Variants in ATP9B observed in about 807,000 individuals in gnomAD.
ATP9B encodes probable phospholipid-transporting ATPase IIB.
In ATP9B, 110 loss-of-function variants were observed where a neutral mutation model predicts 146.1. That is an observed-to-expected ratio of 0.75 (90% CI 0.65 to 0.88). The LOEUF is 0.88. Ranked by LOEUF, ATP9B falls within the 40% of genes least tolerant of loss-of-function variation. The probability of loss-of-function intolerance (pLI) is 0.00; values close to 1 mark genes in which losing one functional copy is unlikely to be tolerated. For missense variants in ATP9B, 1,499 were observed against 1,496.4 expected (o/e 1.00, Z -0.03); for synonymous variants, 604 against 569.7 (o/e 1.06, Z -0.86).
chr18:79,310,787 G>T (rs1599860149), intron 15 of ATP9B, among the ~76,000 whole-genome samples: 5 of 151,142 alleles, frequency 3.3e-5, no homozygotes, highest in South Asian at 4.2e-4. Context: ...ACTTCCAGGG[G>T]TTTTTTTTTG....
At chr18:79,072,946 C>G (rs952200667) in intron 1 of ATP9B, among the ~76,000 whole-genome samples, 1 of 151,868 alleles carries the variant, frequency 6.6e-6, no homozygotes, top group African/African-American at 2.4e-5. Context: ...CGTCACATCC[C>G]AGACGATGGG....
At chr18:79,339,327 C>T (rs2096844890) in intron 19 of ATP9B, among the ~76,000 whole-genome samples, 1 of 151,676 alleles carries the variant, frequency 6.6e-6, no homozygotes, top group African/African-American at 2.4e-5. Context: ...GGAAGTGTGT[C>T]ATGATCGCAG....
At chr18:79,231,549 C>A (rs1019034583) in intron 11 of ATP9B, among the ~76,000 whole-genome samples, 14 of 151,996 alleles carry the variant, frequency 9.2e-5, no homozygotes, top group Non-Finnish European at 1.8e-4. Flanking sequence ...GGAATGTAAA[C>A]TAGTACAACC....
intron 12 of ATP9B, among the ~76,000 whole-genome samples, chr18:79,256,272 TATATATATATATATAC>T (rs1423999201): frequency 7.6e-6 from 1 of 131,504 alleles, no homozygotes; most frequent in Non-Finnish European, 1.6e-5. Context: ...TATATATATA[TATATATATATATATAC>T]ATACATAGTG....
rs377009233 is a variant in ATP9B, at chr18:79,336,336, T to C, written c.2029-292T>C. Among the ~76,000 whole-genome samples, 364 of 152,378 alleles carry C rather than the reference T, an allele frequency of 2.4e-3. 1 individual carries two copies. Among genetic ancestry groups the C allele is most frequent in the South Asian group, 6.0e-3 (29 of 4,834 alleles). ...CCCGTGCTGTGGTAAAAAGAAGCTC[T>C]GCTAGGCACCAGGAGAGTCCAGGTG... On this transcript the variant is annotated intron_variant, in intron 17 of 29. Coordinates refer to ENST00000426216, the MANE Select transcript of ATP9B (RefSeq NM_198531.5).
intron 6 of ATP9B, among the ~76,000 whole-genome samples, chr18:79,153,533 G>A (rs1382151482): frequency 1.3e-5 from 2 of 152,046 alleles, no homozygotes; most frequent in African/African-American, 4.8e-5. Context: ...CACTTTCCAG[G>A]GCCATTTAGT....
intron 25 of ATP9B, chr18:79,354,320 TC>T (rs1459375842): frequency 1.3e-5 from 2 of 152,054 alleles, no homozygotes; most frequent in African/African-American, 4.8e-5. Context: ...ATGCCTGTAA[TC>T]CCAGCACTTT....
At position 79,176,893 on chromosome 18, in the gene ATP9B, C is replaced by T. The variant is rs780256807; in HGVS notation, c.859C>T (p.Leu287=). 2 of 1,613,948 alleles carry T rather than the reference C, an allele frequency of 1.2e-6. No homozygotes were observed. The highest frequency in any genetic ancestry group is 1.3e-5 in the African/African-American group (1 of 74,940). Residue 287 remains leucine (L), a synonymous_variant, in exon 8 of 30, where the codon CTG becomes TTG. Coordinates refer to ENST00000426216, the MANE Select transcript of ATP9B (RefSeq NM_198531.5). ...GGTGGCAGTGAGCTGCACGCAACAG[C>T]TGCCGGCTCTGGGGGTGAGCAGCAC... The part of the protein sequence containing the change: ...LKVAVSCTQQ[L]PALGDLFSIS...
At chr18:79,177,403 T>G (rs2147953817) in intron 8 of ATP9B, among the ~76,000 whole-genome samples, 1 of 152,074 alleles carries the variant, frequency 6.6e-6, no homozygotes, top group East Asian at 1.9e-4. Flanking sequence ...GCCCAGCCAG[T>G]TCTTAATTTT....
At position 79,376,429 on chromosome 18, in the gene ATP9B, A is replaced by C. The variant is rs913637891; in HGVS notation, c.3308-818A>C. ...TTTGAGACGAAGTCTCACTCTTGTT[A>C]CCCAGGCTGAAGTGCAGTGGCACAA... On this transcript the variant is annotated intron_variant, in intron 29 of 29. Transcript: ENST00000426216. The C allele has an allele frequency of 3.6e-5, 35 of 970,870 alleles. No homozygotes were observed. In the African/African-American group the frequency reaches 6.2e-4, roughly 17 times the overall value. 60.1% of individuals were successfully genotyped at this position (970,870 alleles called of 1,614,324 possible). A position where few individuals can be genotyped will look rare whatever the true frequency, so the allele number is the denominator to read the frequency against.
At chr18:79,253,610 T>C (rs1475133231) in intron 12 of ATP9B, 69 bp downstream of exon 12, 1 of 1,453,560 alleles carries the variant, frequency 6.9e-7, no homozygotes, top group Non-Finnish European at 9.2e-7. Context: ...AATTTATCTT[T>C]CTCAGTATGA....
intron 11 of ATP9B, among the ~76,000 whole-genome samples, chr18:79,249,317 G>A (rs2095999961): frequency 6.6e-6 from 1 of 152,152 alleles, no homozygotes; most frequent in Non-Finnish European, 1.5e-5. Flanking sequence ...CATTGTGGTT[G>A]TCTTAGACAT....
chr18:79,222,867 A>C (rs915126467), intron 11 of ATP9B, among the ~76,000 whole-genome samples: 3 of 152,244 alleles, frequency 2.0e-5, no homozygotes, highest in Admixed American at 6.5e-5. Flanking sequence ...CCAGCCTCAG[A>C]CATATTTAAT....
At chr18:79,176,940 T>C in intron 8 of ATP9B, 33 bp downstream of exon 8, 5 of 1,560,760 alleles carry the variant, frequency 3.2e-6, no homozygotes, top group African/African-American at 1.4e-5. Flanking sequence ...CATCCTTTTA[T>C]CTTCAATGGT....
intron 5 of ATP9B, among the ~76,000 whole-genome samples, chr18:79,130,232 A>G (rs1034281731): frequency 6.6e-6 from 1 of 152,210 alleles, no homozygotes; most frequent in Non-Finnish European, 1.5e-5. Flanking sequence ...TGCTTAAAAG[A>G]TATCAGAATG....
intron 11 of ATP9B, among the ~76,000 whole-genome samples, chr18:79,233,947 A>T (rs2095815603): frequency 6.6e-6 from 1 of 152,358 alleles, no homozygotes; most frequent in Admixed American, 6.5e-5. Context: ...AGTGGACGTG[A>T]TCATCATAAA....
intron 7 of ATP9B, among the ~76,000 whole-genome samples, chr18:79,175,562 G>T (rs567309345): frequency 6.6e-6 from 1 of 152,138 alleles, no homozygotes; most frequent in Admixed American, 6.5e-5. Flanking sequence ...AGATTTGCAT[G>T]CCCTCACATC....
At chr18:79,311,564 T>C (rs936825541) in intron 15 of ATP9B, among the ~76,000 whole-genome samples, 2 of 152,258 alleles carry the variant, frequency 1.3e-5, no homozygotes, top group Non-Finnish European at 2.9e-5. Context: ...TAGGCATTTT[T>C]CTTTTTGTTG....
At chr18:79,360,347 A>G (rs1213632625) in intron 26 of ATP9B, 10 of 152,254 alleles carry the variant, frequency 6.6e-5, no homozygotes, top group African/African-American at 2.2e-4. Context: ...CAGTAGCTGT[A>G]TGGTAAAGAA....
Sources: gnomAD v4.1 joint callset for allele counts (sites outside exome capture counted in the v4.1 genomes callset) on GRCh38, gnomAD v4.1.1 for gene constraint, MANE v1.5 for transcripts, NCBI Gene and HGNC (gene_info 2026-07-23, HGNC 2026-07-21) for gene names.